The following FLRT2 variants were observed in gnomAD, a reference collection of about 807,000 sequenced individuals.
The protein encoded by FLRT2 is leucine-rich repeat transmembrane protein FLRT2.
A neutral mutation model predicts 40.0 loss-of-function variants in FLRT2; 15 were observed. The observed-to-expected ratio is 0.38, with a 90% CI of 0.25 to 0.58. The LOEUF is 0.58. Ranked by LOEUF, FLRT2 falls within the 20% of genes least tolerant of loss-of-function variation. The probability of loss-of-function intolerance (pLI) is 0.71; values close to 1 mark genes in which losing one functional copy is unlikely to be tolerated. For missense variants in FLRT2, 726 were observed against 840.0 expected (o/e 0.86, Z 1.68); for synonymous variants, 380 against 336.8 (o/e 1.13, Z -1.41).
intron 1 of FLRT2, among the ~76,000 whole-genome samples, chr14:85,595,281 A>C (rs1279810468): frequency 6.6e-6 from 1 of 152,042 alleles, no homozygotes; most frequent in East Asian, 1.9e-4. Flanking sequence ...AGTTAGAAAG[A>C]CCCTGGCTTT....
At position 85,636,400 on chromosome 14, in the gene FLRT2, A is replaced by AAAAC. The variant is rs971243665; in HGVS notation, c.*12906_*12907insCAAA. 3.4e-5 allele frequency: 5 copies of AAAAC among 145,508 alleles called. No homozygotes were observed. The highest frequency in any genetic ancestry group is 1.2e-4 in the African/African-American group (5 of 40,108). The allele number at this position is 145,508 out of a possible 1,614,324, so 9.0% of individuals were successfully genotyped here. ...GTGAAGTCACCTGCAGAAAAAAAAA[A>AAAAC]AAAAAAAACAAAAAACATTCTTATT... On this transcript the variant is annotated 3_prime_UTR_variant, in exon 2 of 2. Transcript: ENST00000330753.
At position 85,652,332 on chromosome 14, in the gene FLRT2, T is replaced by C. The variant is rs940824707; in HGVS notation, c.*28835T>C. ...ATTGAGAAGCAACTTTTTTAATTGTTTGGGGAAAGACTTCTATTTCTTATG... is the reference window on the plus strand; with the variant it reads ...ATTGAGAAGCAACTTTTTTAATTGTCTGGGGAAAGACTTCTATTTCTTATG... On this transcript the variant is annotated 3_prime_UTR_variant, in exon 2 of 2. Coordinates refer to ENST00000330753, the MANE Select transcript of FLRT2 (RefSeq NM_013231.6). The C allele has an allele frequency of 1.3e-5, 2 of 152,072 alleles. No homozygotes were observed. The highest frequency in any genetic ancestry group is 1.3e-4 in the Admixed American group (2 of 15,254). The allele number at this position is 152,072 out of a possible 1,614,324, so 9.4% of individuals were successfully genotyped here. A position where few individuals can be genotyped will look rare whatever the true frequency, so the allele number is the denominator to read the frequency against.
At chr14:85,580,513 A>G (rs1891339325) in intron 1 of FLRT2, among the ~76,000 whole-genome samples, 1 of 152,222 alleles carries the variant, frequency 6.6e-6, no homozygotes, top group Admixed American at 6.5e-5. Flanking sequence ...TAGTATTCAC[A>G]CATACCTAAA....
chr14:85,533,478 A>G (rs982151049), intron 1 of FLRT2, among the ~76,000 whole-genome samples: 4 of 151,688 alleles, frequency 2.6e-5, no homozygotes, highest in African/African-American at 9.7e-5. Flanking sequence ...GTCGGAGGAG[A>G]GCCCGCCTAG....
intron 1 of FLRT2, among the ~76,000 whole-genome samples, chr14:85,577,183 AG>A (rs1195985490): frequency 6.6e-6 from 1 of 152,204 alleles, no homozygotes; most frequent in African/African-American, 2.4e-5. Flanking sequence ...CTGTAGTAAA[AG>A]GCTTTTGAAT....
rs1274770339 is a variant in FLRT2 at position 85,654,408 on chromosome 14, G to C, written c.*30911G>C. The C allele has an allele frequency of 1.3e-5, 2 of 151,890 alleles. No homozygotes were observed. Among genetic ancestry groups the C allele is most frequent in the African/African-American group, 4.8e-5 (2 of 41,368 alleles). 9.4% of individuals were successfully genotyped at this position (151,890 alleles called of 1,614,324 possible). On this transcript the variant is annotated 3_prime_UTR_variant, in exon 2 of 2. Coordinates refer to ENST00000330753, the MANE Select transcript of FLRT2 (RefSeq NM_013231.6). ...TCTGTGCATACTCTTAATAAAAAAT[G>C]GTATAATACATTTAAGCAGATTTGC... is the stretch of plus-strand genomic sequence containing the variant.
chr14:85,619,701 TG>T (rs1290160480), intron 1 of FLRT2, among the ~76,000 whole-genome samples: 1 of 152,218 alleles, frequency 6.6e-6, no homozygotes, highest in Non-Finnish European at 1.5e-5. Flanking sequence ...CTCCATGTAT[TG>T]GTGAGAATTA....
At chr14:85,582,970 A>G (rs1007565747) in intron 1 of FLRT2, among the ~76,000 whole-genome samples, 2 of 151,952 alleles carry the variant, frequency 1.3e-5, no homozygotes, top group Middle Eastern at 3.2e-3. Flanking sequence ...CTGGAGGTTA[A>G]AGCTAAGCTA....
intron 1 of FLRT2, among the ~76,000 whole-genome samples, chr14:85,600,399 A>G (rs949127147): frequency 3.3e-5 from 5 of 152,222 alleles, no homozygotes; most frequent in African/African-American, 1.2e-4. Context: ...GCATTTAATC[A>G]TGTACATTTA....
chr14:85,615,988 C>T (rs1307684788), intron 1 of FLRT2, among the ~76,000 whole-genome samples: 1 of 152,156 alleles, frequency 6.6e-6, no homozygotes, highest in African/African-American at 2.4e-5. Context: ...AGGAGAGAAA[C>T]ACTGAGCAGA....
Position 85,645,558 on chromosome 14 carries a change from G to C in FLRT2, c.*22061G>C, listed in dbSNP as rs879785383. 16 of 152,192 alleles carry C rather than the reference G, an allele frequency of 1.1e-4. 1 individual carries two copies. The East Asian group carries it at 1.4e-3, about 13-fold the overall frequency. 9.4% of individuals were successfully genotyped at this position (152,192 alleles called of 1,614,324 possible). ...TTTCACTAAGCATGGATACAATTTG[G>C]ATCATTGGTAATAAGGAGACTTAGG... On this transcript the variant is annotated 3_prime_UTR_variant, in exon 2 of 2. Coordinates refer to ENST00000330753, the MANE Select transcript of FLRT2 (RefSeq NM_013231.6).
At position 85,645,454 on chromosome 14, in the gene FLRT2, C is replaced by T. The variant is rs1894274896; in HGVS notation, c.*21957C>T. Reference sequence around the variant, plus strand: ...AACCCATACCTGCTTCTCAGAGAAACTATAGAGAAGAGGAAACTTCCAAGT... The same window carrying T: ...AACCCATACCTGCTTCTCAGAGAAATTATAGAGAAGAGGAAACTTCCAAGT... On this transcript the variant is annotated 3_prime_UTR_variant, in exon 2 of 2. Transcript: ENST00000330753. 6.6e-6 allele frequency: 1 copy of T among 151,988 alleles called. No individual in the cohort carries two copies. Among genetic ancestry groups the T allele is most frequent in the Admixed American group, 6.6e-5 (1 of 15,266 alleles). The allele number at this position is 151,988 out of a possible 1,614,324, so 9.4% of individuals were successfully genotyped here.
Position 85,622,665 on chromosome 14 carries a change from C to T in FLRT2, c.1151C>T (p.Pro384Leu), listed in dbSNP as rs764337449. The change falls in exon 2 of 2, where the codon CCC (proline) becomes CTC (leucine). Residue 384 changes from proline (P) to leucine (L), a missense_variant. Transcript: ENST00000330753. ...PSTASPTTQP[P>L]TLSIPNPSRS... ...ACAGCTTCTCCGACCACTCAGCCTC[C>T]CACCCTCTCTATTCCAAACCCTAGC... 2 of 1,614,016 alleles carry T rather than the reference C, an allele frequency of 1.2e-6. No individual in the cohort carries two copies. Among genetic ancestry groups the T allele is most frequent in the Non-Finnish European group, 1.7e-6 (2 of 1,180,016 alleles).
In FLRT2 at chr14:85,623,110, G is replaced by C. The variant is rs531634984; in HGVS notation, c.1596G>C (p.Thr532=). 5.2e-5 allele frequency: 84 copies of C among 1,612,108 alleles called. No homozygotes were observed. In the South Asian group the frequency reaches 7.9e-4, roughly 15 times the overall value. ...ACACAGCGTCCAGCCATGAGCAGAC[G>C]ACGTCCCACAGCATGGGCTCCCCCT... ...GSNTASSHEQ[T]TSHSMGSPFL... is the part of the protein sequence containing the mutation. The change falls in exon 2 of 2, where the codon ACG becomes ACC. Residue 532 remains threonine (T), a synonymous_variant. Coordinates refer to ENST00000330753, the MANE Select transcript of FLRT2 (RefSeq NM_013231.6).
chr14:85,559,841 C>A (rs547737573), intron 1 of FLRT2, among the ~76,000 whole-genome samples: 1 of 152,084 alleles, frequency 6.6e-6, no homozygotes, highest in Non-Finnish European at 1.5e-5. Context: ...CTCTGATATC[C>A]GGATCTCCTG....
At chr14:85,567,871 C>A (rs1267413493) in intron 1 of FLRT2, among the ~76,000 whole-genome samples, 3 of 151,994 alleles carry the variant, frequency 2.0e-5, no homozygotes, top group Non-Finnish European at 4.4e-5. Context: ...GAACTCCTGA[C>A]CTTGTGATCC....
At chr14:85,601,605 C>G (rs779705040) in intron 1 of FLRT2, among the ~76,000 whole-genome samples, 26 of 152,196 alleles carry the variant, frequency 1.7e-4, no homozygotes, top group Non-Finnish European at 3.4e-4. Context: ...TGAACCCCAT[C>G]TTTGCTACTT....
chr14:85,540,785 T>C (rs1888942746), intron 1 of FLRT2, among the ~76,000 whole-genome samples: 1 of 152,172 alleles, frequency 6.6e-6, no homozygotes, highest in Non-Finnish European at 1.5e-5. Context: ...CACAGAACTG[T>C]ATTTTAACAT....
At chr14:85,549,496 A>G (rs1046030027) in intron 1 of FLRT2, among the ~76,000 whole-genome samples, 3 of 152,192 alleles carry the variant, frequency 2.0e-5, no homozygotes, top group Non-Finnish European at 4.4e-5. Flanking sequence ...TCTGAGGGGA[A>G]TATCCCATTT....
Sources: gnomAD v4.1 joint callset for allele counts (sites outside exome capture counted in the v4.1 genomes callset) on GRCh38, gnomAD v4.1.1 for gene constraint, MANE v1.5 for transcripts, NCBI Gene and HGNC (gene_info 2026-07-23, HGNC 2026-07-21) for gene names.